The following PRRT1B variants were observed in gnomAD, a reference collection of about 807,000 sequenced individuals.
The protein encoded by PRRT1B is proline rich transmembrane protein 1B, also known as dispanin subfamily D member 2.
chr9:131,556,716 C>T (rs965559367), intron 3 of PRRT1B, among the ~76,000 whole-genome samples: 3 of 152,028 alleles, frequency 2.0e-5, no homozygotes, highest in Non-Finnish European at 2.9e-5. Context: ...ACTGCAACCT[C>T]CACCCTCTGG....
At chr9:131,557,479 A>G (rs1248347491) in intron 3 of PRRT1B, among the ~76,000 whole-genome samples, 3 of 152,210 alleles carry the variant, frequency 2.0e-5, no homozygotes, top group Non-Finnish European at 2.9e-5. Context: ...TGAAGGTTGC[A>G]GTGAGCTGAG....
intron 1 of PRRT1B, among the ~76,000 whole-genome samples, chr9:131,554,268 G>C (rs949881244): frequency 6.6e-6 from 1 of 152,156 alleles, no homozygotes; most frequent in Non-Finnish European, 1.5e-5. Flanking sequence ...CCTTAGTTGG[G>C]GGTGAAACTA....
At chr9:131,558,159 C>T (rs1951062796) in exon 4 of PRRT1B, 3 of 400,870 alleles carry the variant, frequency 7.5e-6, no homozygotes, top group African/African-American at 4.1e-5. Context: ...TTCGTGTCTA[C>T]CAGCTGGGTC....
chr9:131,548,610 TCC>T (rs1950990879), intron 1 of PRRT1B, among the ~76,000 whole-genome samples: 2 of 152,070 alleles, frequency 1.3e-5, no homozygotes, highest in Non-Finnish European at 2.9e-5. Context: ...ATGCAACTTG[TCC>T]CAAATCTTCC....
exon 1 of PRRT1B, chr9:131,545,586 C>T (rs1950967771): frequency 2.0e-5 from 8 of 397,950 alleles, no homozygotes; most frequent in Non-Finnish European, 3.5e-5. Flanking sequence ...GGGAGCCGCG[C>T]AGCCCTTGCA....
rs564813617 is a variant in PRRT1B at position 131,558,067 on chromosome 9, G to A, written c.657G>A (p.Leu219=). Residue 219 remains leucine (L), a synonymous_variant, in exon 4 of 4, where the codon CTG becomes CTA. Transcript: ENST00000636672. ...TCTCGTTGCAGGCCCGTGCAGCACT[G>A]GGCAGGGGTGACCTGGCCCAGGCTG... is the stretch of plus-strand genomic sequence containing the variant. The A allele has an allele frequency of 5.7e-5, 23 of 400,024 alleles. No individual in the cohort carries two copies. The South Asian group carries it at 2.8e-3, about 48-fold the overall frequency. 24.8% of individuals were successfully genotyped at this position (400,024 alleles called of 1,614,324 possible).
chr9:131,545,723 AGGGGCAGGTACTGGC>A (rs1564415254), intron 1 of PRRT1B, 83 bp downstream of exon 1: 3 of 331,010 alleles, frequency 9.1e-6, no homozygotes, highest in African/African-American at 5.2e-5. Flanking sequence ...CAGGTACTGG[AGGGGCAGGTACTGGC>A]GGGGCAGGTG....
intron 1 of PRRT1B, among the ~76,000 whole-genome samples, chr9:131,550,525 C>T (rs374578449): frequency 2.6e-5 from 4 of 152,340 alleles, no homozygotes; most frequent in East Asian, 1.9e-4. Flanking sequence ...TGAAAACACA[C>T]GTGCTCTCTC....
chr9:131,546,777 C>T (rs988529623), intron 1 of PRRT1B, among the ~76,000 whole-genome samples: 1 of 152,176 alleles, frequency 6.6e-6, no homozygotes, highest in Non-Finnish European at 1.5e-5. Context: ...CAGGCAGCGC[C>T]GCCAGCAGAT....
At chr9:131,555,945 G>C in intron 2 of PRRT1B, 125 bp from the exon 3 acceptor site, 1 of 397,178 alleles carries the variant, frequency 2.5e-6, no homozygotes, top group Non-Finnish European at 4.4e-6. Context: ...GTGAATTGCA[G>C]CCTCAGTGGG....
intron 1 of PRRT1B, among the ~76,000 whole-genome samples, chr9:131,549,645 T>A (rs999248175): frequency 2.6e-5 from 4 of 151,986 alleles, no homozygotes; most frequent in African/African-American, 9.7e-5. Flanking sequence ...GGTAAGTCCG[T>A]CCCCTTCTTA....
rs1430689104 is a variant in PRRT1B, at chr9:131,551,105, G to A, written c.26-3452G>A. On this transcript the variant is annotated intron_variant, in intron 1 of 3. Transcript: ENST00000636672. This position sits in a 1 kb window ranked among gnomAD's most constrained non-coding sequence, Gnocchi z 4.4. ...CTACAGGCACCCGCCACCATGCTCC[G>A]CTAATTTTTTGTATTTTTAGTAGAG... Among the ~76,000 whole-genome samples the A allele has an allele frequency of 2.0e-5, 3 of 151,598 alleles. No individual in the cohort carries two copies. Among genetic ancestry groups the A allele is most frequent in the Admixed American group, 6.6e-5 (1 of 15,212 alleles).
chr9:131,545,977 G>A (rs1001999795), intron 1 of PRRT1B, among the ~76,000 whole-genome samples: 1 of 152,152 alleles, frequency 6.6e-6, no homozygotes, highest in Admixed American at 6.5e-5. Flanking sequence ...GAGAATGCCC[G>A]GCCCAGGACA....
intron 1 of PRRT1B, among the ~76,000 whole-genome samples, chr9:131,546,965 C>T (rs933484517): frequency 6.6e-6 from 1 of 151,882 alleles, no homozygotes; most frequent in African/African-American, 2.4e-5. Flanking sequence ...AGTCTCGGTT[C>T]CCTCATTAGT....
At chr9:131,559,384 AGT>A (rs1951070763), downstream of PRRT1B, among the ~76,000 whole-genome samples, 1 of 152,242 alleles carries the variant, frequency 6.6e-6, no homozygotes, top group Admixed American at 6.5e-5. Flanking sequence ...CAGAAGTTGC[AGT>A]GAGCTGATTG....
In PRRT1B at chr9:131,551,353, T is replaced by G. The variant is rs1257305790; in HGVS notation, c.26-3204T>G. Among the ~76,000 whole-genome samples, 3 of 152,092 alleles carry G rather than the reference T, an allele frequency of 2.0e-5. No individual in the cohort carries two copies. The highest frequency in any genetic ancestry group is 6.6e-5 in the Admixed American group (1 of 15,266). Reference sequence around the variant, plus strand: ...CAATATCACCTCTTACCACAAAATCTTCCTTCAGCTTAATCTCTCCCACTC... The same window carrying G: ...CAATATCACCTCTTACCACAAAATCGTCCTTCAGCTTAATCTCTCCCACTC... On this transcript the variant is annotated intron_variant, in intron 1 of 3. Coordinates refer to ENST00000636672, the Ensembl canonical transcript of PRRT1B. The surrounding 1 kb of genome is among the most constrained non-coding windows in gnomAD (Gnocchi z 4.4).
At chr9:131,554,382 T>G (rs893823311) in intron 1 of PRRT1B, among the ~76,000 whole-genome samples, 175 bp from the exon 2 acceptor site, 7 of 152,174 alleles carry the variant, frequency 4.6e-5, no homozygotes, top group Non-Finnish European at 5.9e-5. Context: ...TCAGTCTGTG[T>G]GACTCCAGCA....
intron 3 of PRRT1B, among the ~76,000 whole-genome samples, chr9:131,557,668 CAG>C (rs1951059309): frequency 6.6e-6 from 1 of 152,250 alleles, no homozygotes; most frequent in Admixed American, 6.5e-5. Flanking sequence ...CAGGACAACT[CAG>C]AGGTGGGACT....
chr9:131,555,657 T>C (rs1448298563), intron 2 of PRRT1B, among the ~76,000 whole-genome samples: 3 of 151,914 alleles, frequency 2.0e-5, no homozygotes, highest in South Asian at 2.1e-4. Flanking sequence ...GGCTGAGTGA[T>C]AGAGCAAGCC....
Sources: gnomAD v4.1 joint callset for allele counts (sites outside exome capture counted in the v4.1 genomes callset) on GRCh38, gnomAD v4.1.1 for gene constraint, Gnocchi (gnomAD v3.1) non-coding constraint, MANE v1.5 for transcripts, NCBI Gene and HGNC (gene_info 2026-07-23, HGNC 2026-07-21) for gene names.